Variants in GIPR observed in about 807,000 individuals in gnomAD.
GIPR encodes the protein GIP-R.
In GIPR, 74 loss-of-function variants were observed where a neutral mutation model predicts 62.2. That is an observed-to-expected ratio of 1.19 (90% CI 0.99 to 1.44). The LOEUF (loss-of-function observed/expected upper bound fraction) is 1.44, where lower values mean the gene tolerates loss of function less well. Ranked by LOEUF, GIPR falls within the 40% of genes most tolerant of loss-of-function variation. The probability of loss-of-function intolerance (pLI) is 0.00; values close to 1 mark genes in which losing one functional copy is unlikely to be tolerated. For synonymous variants in GIPR, 256 were observed against 262.2 expected (o/e 0.98, Z 0.23); for missense variants, 664 against 611.8 (o/e 1.09, Z -0.90).
intron 12 of GIPR, 103 bp downstream of exon 12, chr19:45,678,329 TG>T (rs1967066263): frequency 3.2e-6 from 4 of 1,250,256 alleles, no homozygotes; most frequent in Non-Finnish European, 4.5e-6. Flanking sequence ...CTGAATGGGG[TG>T]GGAAGATGGG....
chr19:45,674,698 A>C lies in GIPR; in HGVS notation c.505A>C (p.Arg169=). Residue 169 remains arginine, a synonymous_variant, in exon 7 of 14, where the codon AGA becomes CGA. Transcript: ENST00000590918. ...TTCCCCTAGGCGGCTACATTGCACT[A>C]GAAACTATATCCACATCAACCTGTT... ...LSLFRRLHCT[R]NYIHINLFTS... 1 of 1,613,950 alleles carries C rather than the reference A, an allele frequency of 6.2e-7. No individual in the cohort carries two copies. The highest frequency in any genetic ancestry group is 8.5e-7 in the Non-Finnish European group (1 of 1,179,988).
At chr19:45,668,502 GCT>G (rs1975375291) in intron 1 of GIPR, among the ~76,000 whole-genome samples, 1 of 152,134 alleles carries the variant, frequency 6.6e-6, no homozygotes, top group South Asian at 2.1e-4. Flanking sequence ...TCTTTCCCCT[GCT>G]CTGTCTCCCT....
intron 8 of GIPR, 77 bp downstream of exon 8, chr19:45,677,185 C>G (rs1292258623): frequency 4.0e-6 from 6 of 1,502,058 alleles, no homozygotes; most frequent in Non-Finnish European, 5.5e-6. Context: ...TGGTTGGCCT[C>G]TGCGGGTCTC....
At position 45,672,836 on chromosome 19, in the gene GIPR, CTT is replaced by C; in HGVS notation, c.281-14_281-13del. 2 of 1,544,270 alleles carry C rather than the reference CTT, an allele frequency of 1.3e-6. No individual in the cohort carries two copies. Among genetic ancestry groups the C allele is most frequent in the South Asian group, 1.1e-5 (1 of 89,658 alleles). On this transcript the variant is annotated splice_polypyrimidine_tract_variant and intron_variant, in intron 4 of 13. Coordinates refer to ENST00000590918, the MANE Select transcript of GIPR (RefSeq NM_000164.4). ...TTCTCTGTGTGCCTTAATTCCCTCT[CTT>C]CTTTCCCCACAGTGGCTGCAGGTTT...
At chr19:45,674,980 A>G (rs200255173) in intron 7 of GIPR, 154 bp downstream of exon 7, 22 of 757,760 alleles carry the variant, frequency 2.9e-5, no homozygotes, top group Middle Eastern at 2.4e-4. Context: ...GGGGATCAAG[A>G]CACATTTGGA....
intron 13 of GIPR, 37 bp from the exon 14 acceptor site, chr19:45,681,692 G>C: frequency 6.2e-7 from 1 of 1,611,710 alleles, no homozygotes; most frequent in Non-Finnish European, 8.5e-7. Flanking sequence ...CGGCAGCGCG[G>C]GGTACGGCGC....
chr19:45,681,523 C>CA (rs1289630412), intron 12 of GIPR, 81 bp from the exon 13 acceptor site: 10 of 1,215,056 alleles, frequency 8.2e-6, no homozygotes, highest in Admixed American at 5.2e-5. Context: ...AACAAACAAA[C>CA]AAAAAACGGG....
intron 9 of GIPR, 97 bp downstream of exon 9, chr19:45,677,480 A>ATT: frequency 1.1e-6 from 1 of 882,496 alleles, no homozygotes. Flanking sequence ...TCGGAAGGCT[A>ATT]TTCGGTGCTG....
rs770927019 is a variant in GIPR, at chr19:45,676,960, C to A, written c.645C>A (p.Ala215=). 1.9e-6 allele frequency: 3 copies of A among 1,614,062 alleles called. No individual in the cohort carries two copies. In the South Asian group the frequency reaches 3.3e-5, roughly 18 times the overall value. ...ALALWNQALA[A]CRTAQIVTQY... is the part of the protein sequence containing the mutation. The stretch of plus-strand genomic sequence containing the variant: ...TGGCCCCTCCCTAGGCCCTCGCTGC[C>A]TGCCGCACGGCCCAGATCGTGACCC... Residue 215 remains alanine, a synonymous_variant, in exon 8 of 14, where the codon GCC becomes GCA. Transcript: ENST00000590918.
At chr19:45,675,111 G>A (rs1975768207) in intron 7 of GIPR, 1 of 410,794 alleles carries the variant, frequency 2.4e-6, no homozygotes, top group East Asian at 5.9e-5. Context: ...TTTCACCAAT[G>A]AGAGAATCCA....
intron 5 of GIPR, among the ~76,000 whole-genome samples, chr19:45,673,550 T>C (rs1240312362): frequency 1.3e-5 from 2 of 151,094 alleles, no homozygotes; most frequent in Non-Finnish European, 2.9e-5. Flanking sequence ...GGTAACATAG[T>C]GAAACTCCAT....
chr19:45,677,121 C>G lies in GIPR; in HGVS notation c.793+13C>G, dbSNP rs769282692. On this transcript the variant is annotated intron_variant, in intron 8 of 13. Transcript: ENST00000590918. ...CTCCTCGGCTGGGGTGAGCTCCGAT[C>G]CCGTCCCCCGCCCAACCCAGCGCGC... 7 of 1,612,102 alleles carry G rather than the reference C, an allele frequency of 4.3e-6. No individual in the cohort carries two copies. In the Admixed American group the frequency reaches 1.2e-4, roughly 27 times the overall value.
chr19:45,681,338 T>C (rs1033127232), intron 12 of GIPR, among the ~76,000 whole-genome samples: 5 of 151,794 alleles, frequency 3.3e-5, no homozygotes, highest in Non-Finnish European at 1.5e-5. Context: ...CTACTAAAAA[T>C]ACAAAAATTA....
At chr19:45,670,813 G>T in intron 3 of GIPR, 79 bp downstream of exon 3, 1 of 856,958 alleles carries the variant, frequency 1.2e-6, no homozygotes, top group East Asian at 2.6e-5. Flanking sequence ...TGGGCTGACG[G>T]GCGGGGAAGA....
rs1568531410 is a variant in GIPR, at chr19:45,683,129, CG to C, written c.*1197del. On this transcript the variant is annotated 3_prime_UTR_variant, in exon 14 of 14. Transcript: ENST00000590918. ...AGACTAAAGATAGAGAGATTGGGTT[CG>C]GGTAGGGGGAGAACCACGTGTGCTC... 1 of 152,486 alleles carries C rather than the reference CG, an allele frequency of 6.6e-6. No individual in the cohort carries two copies. Among genetic ancestry groups the C allele is most frequent in the Non-Finnish European group, 1.5e-5 (1 of 68,328 alleles). The allele number at this position is 152,486 out of a possible 1,614,324, so 9.4% of individuals were successfully genotyped here.
Position 45,677,095 on chromosome 19 carries a change from G to T in GIPR, c.780G>T (p.Leu260=). The change falls in exon 8 of 14, where the codon CTG becomes CTT. Residue 260 remains leucine, a synonymous_variant. Coordinates refer to ENST00000590918, the MANE Select transcript of GIPR (RefSeq NM_000164.4). ...AGGAGGGCCACTTCCGCTACTACCTGCTCCTCGGCTGGGGTGAGCTCCGAT... is the reference window on the plus strand; with the variant it reads ...AGGAGGGCCACTTCCGCTACTACCTTCTCCTCGGCTGGGGTGAGCTCCGAT... ...GSEEGHFRYY[L]LLGWGAPALF... The T allele has an allele frequency of 1.2e-6, 2 of 1,613,656 alleles. No homozygotes were observed. The highest frequency in any genetic ancestry group is 8.5e-7 in the Non-Finnish European group (1 of 1,179,886).
rs1967060719 is a variant in GIPR, at chr19:45,678,216, G to C, written c.1142G>C (p.Ser381Thr). 2 of 1,566,272 alleles carry C rather than the reference G, an allele frequency of 1.3e-6. No individual in the cohort carries two copies. The highest frequency in any genetic ancestry group is 1.7e-6 in the Non-Finnish European group (2 of 1,156,214). Residue 381 changes from serine (S) to threonine (T), a missense_variant, in exon 12 of 14, where the codon AGC (serine) becomes ACC (threonine). Transcript: ENST00000590918. ...AAGCTCGGCTTTGAGATCTTCCTCA[G>C]CTCCTTCCAGGTGCTCAGGCAGGGT... ...FAKLGFEIFL[S>T]SFQGFLVSVL...
chr19:45,671,342 A>G lies in GIPR; in HGVS notation c.230A>G (p.Asn77Ser), dbSNP rs1212649997. ...GTCTGCTGGGACTATGCTGCACCCA[A>G]TGCCACTGCCCGTGCGTCCTGCCCC... ...MYVCWDYAAPNATARASCPWY... is the reference protein window; with the variant it reads ...MYVCWDYAAPSATARASCPWY... Residue 77 changes from asparagine (N) to serine (S), a missense_variant, in exon 4 of 14, where the codon AAT becomes AGT. Physicochemically the swap from Asn to Ser is conservative, Grantham distance 46. Transcript: ENST00000590918. 18 of 1,612,752 alleles carry G rather than the reference A, an allele frequency of 1.1e-5. No individual in the cohort carries two copies. In the East Asian group the frequency reaches 3.3e-4, roughly 30 times the overall value.
chr19:45,677,853 C>T, intron 10 of GIPR, 53 bp from the exon 11 acceptor site: 1 of 1,599,622 alleles, frequency 6.3e-7, no homozygotes, highest in East Asian at 2.2e-5. Flanking sequence ...CCACCTCCTC[C>T]TGCCCCTTCA....
Sources: gnomAD v4.1 joint callset for allele counts (sites outside exome capture counted in the v4.1 genomes callset) on GRCh38, gnomAD v4.1.1 for gene constraint, MANE v1.5 for transcripts, NCBI Gene and HGNC (gene_info 2026-07-23, HGNC 2026-07-21) for gene names.